Variants in CACHD1 observed in about 807,000 individuals in gnomAD.
CACHD1 encodes the protein cache domain containing 1.
Under a neutral mutation model 138.7 loss-of-function variants are expected in CACHD1, and 71 were observed. The ratio of observed to expected loss-of-function variants is 0.51; its 90% confidence interval spans 0.42 to 0.62. The LOEUF is 0.62. Among genes scored for constraint, CACHD1 ranks in the 20% least tolerant of loss-of-function variants. The pLI is 0.00. For missense variants in CACHD1, 1,389 were observed against 1,625.3 expected (o/e 0.85, Z 2.50); for synonymous variants, 578 against 591.5 (o/e 0.98, Z 0.33).
At chr1:64,668,812 C>T (rs1252251898) in intron 16 of CACHD1, among the ~76,000 whole-genome samples, 1 of 152,110 alleles carries the variant, frequency 6.6e-6, no homozygotes. Flanking sequence ...TGCAAGTCAA[C>T]TACCTCTTAT....
At chr1:64,523,167 A>C (rs1376543909) in intron 1 of CACHD1, among the ~76,000 whole-genome samples, 1 of 152,232 alleles carries the variant, frequency 6.6e-6, no homozygotes. Flanking sequence ...CTTATCTTTC[A>C]GAGTTTTATG....
rs551412909 is a variant in CACHD1 at position 64,530,921 on chromosome 1, G to GTTTTT, written c.199-19672_199-19671insTTTTT. On this transcript the variant is annotated intron_variant, in intron 1 of 26. Coordinates refer to ENST00000651257, the MANE Select transcript of CACHD1 (RefSeq NM_020925.4). The stretch of plus-strand genomic sequence containing the variant: ...CTCAGATGTGTATCAACATTCCATC[G>GTTTTT]TGTTTTTTTTTGTTTTTTTTTTTTT... Among the ~76,000 whole-genome samples the GTTTTT allele has an allele frequency of 1.6e-4, 7 of 44,476 alleles. 1 individual carries two copies. Among genetic ancestry groups the GTTTTT allele is most frequent in the African/African-American group, 6.3e-4 (7 of 11,052 alleles). The allele number at this position is 44,476 out of a possible 152,430, so 29.2% of individuals were successfully genotyped here. A position where few individuals can be genotyped will look rare whatever the true frequency, so the allele number is the denominator to read the frequency against.
In CACHD1 at chr1:64,634,140, A is replaced by C; in HGVS notation, c.886A>C (p.Lys296Gln). 1 of 1,613,922 alleles carries C rather than the reference A, an allele frequency of 6.2e-7. No individual in the cohort carries two copies. Among genetic ancestry groups the C allele is most frequent in the Non-Finnish European group, 8.5e-7 (1 of 1,179,958 alleles). The stretch of plus-strand genomic sequence containing the variant: ...TCCAGCCACCAGTGAGACAAAAAGG[A>C]AAATGTCCACCTTTGTTAGCAGCGT... ...LSPATSETKR[K>Q]MSTFVSSVKS... is the part of the protein sequence containing the mutation. The change falls in exon 7 of 27, where the codon AAA becomes CAA. Residue 296 changes from lysine to glutamine, a missense_variant. By Grantham distance (53) the Lys-to-Gln change is moderately conservative (BLOSUM62 1). Around this residue, in one of 5 missense-constraint regions of CACHD1, gnomAD observed 1,000 missense variants for 1,114.7 expected, o/e 0.90. Transcript: ENST00000651257.
At chr1:64,514,106 C>T (rs1646441765) in intron 1 of CACHD1, among the ~76,000 whole-genome samples, 1 of 152,184 alleles carries the variant, frequency 6.6e-6, no homozygotes. Context: ...CCGTGTTTTA[C>T]TTTCTCTGTT....
chr1:64,671,116 G>C (rs1649798810), intron 16 of CACHD1, among the ~76,000 whole-genome samples: 1 of 152,174 alleles, frequency 6.6e-6, no homozygotes, highest in Non-Finnish European at 1.5e-5. Context: ...TATGACCTTA[G>C]CCACTCAGTT....
chr1:64,610,904 G>T (rs1647508446), intron 4 of CACHD1, among the ~76,000 whole-genome samples: 1 of 152,192 alleles, frequency 6.6e-6, no homozygotes, highest in African/African-American at 2.4e-5. Context: ...GCAAACTTCT[G>T]CCTGGACATC....
At chr1:64,478,511 T>C (rs1052464058) in intron 1 of CACHD1, among the ~76,000 whole-genome samples, 2 of 152,182 alleles carry the variant, frequency 1.3e-5, no homozygotes, top group Middle Eastern at 3.2e-3. Flanking sequence ...GCTGGACTAA[T>C]ATATAATGTC....
intron 24 of CACHD1, 139 bp from the exon 25 acceptor site, chr1:64,681,119 G>T (rs1170245098): frequency 3.5e-6 from 2 of 564,284 alleles, no homozygotes; most frequent in African/African-American, 1.9e-5. Context: ...TGGGGCATCA[G>T]TTCATTCCCT....
At chr1:64,477,822 G>T (rs1414374846) in intron 1 of CACHD1, among the ~76,000 whole-genome samples, 1 of 149,826 alleles carries the variant, frequency 6.7e-6, no homozygotes, top group Non-Finnish European at 1.5e-5. Flanking sequence ...TTTTAGTAGA[G>T]ACGGGGTTTC....
chr1:64,568,024 A>G (rs1570374286), intron 2 of CACHD1, among the ~76,000 whole-genome samples: 4 of 152,178 alleles, frequency 2.6e-5, no homozygotes, highest in African/African-American at 9.7e-5. Context: ...GAACATAAAC[A>G]AGACATAAAA....
chr1:64,660,629 C>T (rs1649412363), intron 13 of CACHD1, among the ~76,000 whole-genome samples: 2 of 151,884 alleles, frequency 1.3e-5, no homozygotes, highest in Non-Finnish European at 2.9e-5. Context: ...CTCCTGGGTT[C>T]AGGTGATTCT....
chr1:64,634,007 C>A, intron 6 of CACHD1, 37 bp from the exon 7 acceptor site: 1 of 1,494,592 alleles, frequency 6.7e-7, no homozygotes, highest in Non-Finnish European at 9.2e-7. Context: ...GGTAGGATAA[C>A]AAGTTTGGTG....
At chr1:64,626,270 G>A (rs1210725843) in intron 4 of CACHD1, among the ~76,000 whole-genome samples, 1 of 152,180 alleles carries the variant, frequency 6.6e-6, no homozygotes, top group African/African-American at 2.4e-5. Context: ...AGACGAAACT[G>A]GCATTTTAAC....
intron 7 of CACHD1, among the ~76,000 whole-genome samples, chr1:64,636,551 G>A (rs1475561519): frequency 6.6e-6 from 1 of 152,062 alleles, no homozygotes. Flanking sequence ...TCATGCTAAG[G>A]TTCAACAAAC....
chr1:64,626,485 C>G (rs1648105794), intron 4 of CACHD1, among the ~76,000 whole-genome samples: 1 of 152,250 alleles, frequency 6.6e-6, no homozygotes, highest in Admixed American at 6.5e-5. Flanking sequence ...ACTCCGCACT[C>G]TACATCATAT....
At chr1:64,548,169 A>G (rs959868673) in intron 1 of CACHD1, among the ~76,000 whole-genome samples, 2 of 152,220 alleles carry the variant, frequency 1.3e-5, no homozygotes, top group African/African-American at 4.8e-5. Flanking sequence ...TTGTTTTAAC[A>G]AAAAGGAGAA....
chr1:64,623,487 G>C (rs1647988948), intron 4 of CACHD1, among the ~76,000 whole-genome samples: 2 of 148,328 alleles, frequency 1.3e-5, no homozygotes, highest in Admixed American at 1.3e-4. Context: ...TGGCCTGTGT[G>C]CTACAGATAC....
chr1:64,487,747 G>C (rs1646251694), intron 1 of CACHD1, among the ~76,000 whole-genome samples: 2 of 152,188 alleles, frequency 1.3e-5, no homozygotes, highest in Non-Finnish European at 2.9e-5. Context: ...GCCAGGAACT[G>C]CTTAATTCAT....
intron 4 of CACHD1, among the ~76,000 whole-genome samples, chr1:64,622,983 T>C (rs1647969895): frequency 6.6e-6 from 1 of 152,226 alleles, no homozygotes; most frequent in Non-Finnish European, 1.5e-5. Flanking sequence ...TCTATGCTGG[T>C]TGCATTGGCA....
Sources: allele counts gnomAD v4.1 joint callset (sites outside exome capture counted in the v4.1 genomes callset), GRCh38; gene constraint gnomAD v4.1.1; regional missense constraint gnomAD v4.1.1; transcripts MANE v1.5; gene names NCBI Gene and HGNC (gene_info 2026-07-23, HGNC 2026-07-21).